RSPH14: variants seen among roughly 807,000 people sequenced by gnomAD.
RSPH14 encodes radial spoke head 14 homolog.
RSPH14 carries 20 observed loss-of-function variants against 26.7 expected under a neutral mutation model. That is an observed-to-expected ratio of 0.75 (90% confidence interval 0.53 to 1.09). The LOEUF is 1.09. Among genes scored for constraint, RSPH14 ranks in the 50% least tolerant of loss-of-function variants. The probability of loss-of-function intolerance (pLI) is 0.00; values close to 1 mark genes in which losing one functional copy is unlikely to be tolerated. For missense variants in RSPH14, 449 were observed against 457.2 expected (o/e 0.98, Z 0.16); for synonymous variants, 177 against 189.3 (o/e 0.93, Z 0.53).
intron 4 of RSPH14, chr22:23,124,245 T>G (rs1601844662): frequency 1.2e-5 from 2 of 163,312 alleles, no homozygotes; most frequent in Admixed American, 6.6e-5. Flanking sequence ...AATCTCGTGG[T>G]GTTTCGCAGA....
chr22:23,065,506 GCC>G (rs2068187703), intron 4 of RSPH14, among the ~76,000 whole-genome samples: 1 of 112,874 alleles, frequency 8.9e-6, no homozygotes, highest in Middle Eastern at 0.011. Context: ...TACTGTGTTG[GCC>G]TTTTTTATTT....
chr22:23,179,979 G>A, the RSPH14 span: 1 of 323,076 alleles, frequency 3.1e-6, no homozygotes, highest in Non-Finnish European at 5.7e-6. Flanking sequence ...TCTTGCAGAT[G>A]CCCACGATGG....
At chr22:23,142,572 A>G (rs568344661), upstream of RSPH14, among the ~76,000 whole-genome samples, 1 of 152,364 alleles carries the variant, frequency 6.6e-6, no homozygotes, top group South Asian at 2.1e-4. Context: ...TCCTGACCTC[A>G]GATGATCCAC....
intron 4 of RSPH14, among the ~76,000 whole-genome samples, chr22:23,120,920 T>C (rs1434887827): frequency 6.6e-6 from 1 of 152,196 alleles, no homozygotes; most frequent in Non-Finnish European, 1.5e-5. Flanking sequence ...TGATGCAAAA[T>C]TTGGGGTCAG....
the RSPH14 span, chr22:23,150,036 T>C: frequency 6.4e-7 from 1 of 1,553,906 alleles, no homozygotes; most frequent in Non-Finnish European, 8.8e-7. Context: ...TGCAGGATGA[T>C]GTGTCCGTCT....
chr22:23,060,303 C>T (rs8142022), intron 6 of RSPH14, among the ~76,000 whole-genome samples: 4 of 152,058 alleles, frequency 2.6e-5, no homozygotes, highest in Non-Finnish European at 5.9e-5. Context: ...AACCCCGTCT[C>T]TATTAAAAAT....
chr22:23,090,165 G>A (rs932599921), intron 4 of RSPH14, among the ~76,000 whole-genome samples: 2 of 152,128 alleles, frequency 1.3e-5, no homozygotes, highest in African/African-American at 2.4e-5. Flanking sequence ...GCAGGGTCCT[G>A]TACCACAGGG....
rs1364489526 is a variant in RSPH14, at chr22:23,130,079, GAAAGGAAGAA to G, written c.421+3937_421+3946del. On this transcript the variant is annotated intron_variant, in intron 4 of 6. Transcript: ENST00000216036. ...AAAGAAAAAGAAAGAAAGAAAGAAA[GAAAGGAAGAA>G]AGAAAGAAAGAAAGAAAGAAAGAAA... is the stretch of plus-strand genomic sequence containing the variant. 3.0e-3 allele frequency among the ~76,000 whole-genome samples: 93 copies of G among 30,522 alleles called. 3 individuals carry two copies. The highest frequency in any genetic ancestry group is 0.016 in the African/African-American group (88 of 5,664). The allele number at this position is 30,522 out of a possible 152,430, so 20.0% of individuals were successfully genotyped here.
chr22:23,145,502 G>A (rs1448045888), upstream of RSPH14: 7 of 1,606,688 alleles, frequency 4.4e-6, no homozygotes, highest in East Asian at 2.2e-5. Flanking sequence ...GCCGCCGCTG[G>A]CTCAGGCGGA....
intron 4 of RSPH14, chr22:23,123,255 G>A (rs749377481): frequency 5.6e-6 from 9 of 1,614,110 alleles, no homozygotes; most frequent in Admixed American, 3.3e-5. Flanking sequence ...GAACACGTAC[G>A]AGGAGGCCGC....
chr22:23,161,792 C>G, the RSPH14 span: 1 of 547,772 alleles, frequency 1.8e-6, no homozygotes, highest in South Asian at 2.0e-5. Context: ...GGGAGCCCCA[C>G]ACCACCGGGC....
chr22:23,069,952 A>C (rs1858239172), intron 4 of RSPH14, among the ~76,000 whole-genome samples: 1 of 152,134 alleles, frequency 6.6e-6, no homozygotes, highest in Admixed American at 6.5e-5. Flanking sequence ...GAGTGGAGAG[A>C]AGGCGAGCCG....
At chr22:23,084,139 TG>T (rs1569165332) in intron 4 of RSPH14, among the ~76,000 whole-genome samples, 1 of 152,114 alleles carries the variant, frequency 6.6e-6, no homozygotes, top group Non-Finnish European at 1.5e-5. Context: ...TTAAGGCAAG[TG>T]GGGTTTTTAT....
At chr22:23,162,367 T>A in the RSPH14 span, 1 of 336,518 alleles carries the variant, frequency 3.0e-6, no homozygotes, top group Non-Finnish European at 5.9e-6. Flanking sequence ...TGTCCTAGGG[T>A]AACTCACTCT....
chr22:23,086,002 C>T (rs1250287242), intron 4 of RSPH14, among the ~76,000 whole-genome samples: 2 of 152,272 alleles, frequency 1.3e-5, no homozygotes, highest in East Asian at 1.9e-4. Flanking sequence ...TTGCCTGGCC[C>T]CTCGGCAGGG....
upstream of RSPH14, chr22:23,149,924 G>A (rs183283195): frequency 4.8e-4 from 333 of 697,544 alleles, 1 homozygote; most frequent in African/African-American, 5.2e-3. Flanking sequence ...TGACAAATGG[G>A]TCAGGGAAAG....
intron 5 of RSPH14, among the ~76,000 whole-genome samples, chr22:23,062,950 G>A (rs933288386): frequency 4.6e-5 from 7 of 152,238 alleles, no homozygotes; most frequent in African/African-American, 1.7e-4. Flanking sequence ...CTGGGTTTAG[G>A]GCAGCAAACA....
chr22:23,114,452 C>G (rs1341627270), intron 4 of RSPH14, among the ~76,000 whole-genome samples: 2 of 152,192 alleles, frequency 1.3e-5, no homozygotes, highest in Non-Finnish European at 2.9e-5. Context: ...GCCAGCCCCT[C>G]CTGCAATGCC....
At chr22:23,125,557 C>G (rs1256980895) in intron 4 of RSPH14, among the ~76,000 whole-genome samples, 1 of 152,172 alleles carries the variant, frequency 6.6e-6, no homozygotes, top group Non-Finnish European at 1.5e-5. Flanking sequence ...TGGAAAAGTG[C>G]CGATCAGAAG....
Sources: gnomAD v4.1 joint callset for allele counts (sites outside exome capture counted in the v4.1 genomes callset) on GRCh38, gnomAD v4.1.1 for gene constraint, MANE v1.5 for transcripts, NCBI Gene and HGNC (gene_info 2026-07-23, HGNC 2026-07-21) for gene names.